The following PAK1 variants were observed in gnomAD, a reference collection of about 807,000 sequenced individuals.
PAK1 encodes p21 (RAC1) activated kinase 1.
A neutral mutation model predicts 67.4 loss-of-function variants in PAK1; 29 were observed. That is an observed-to-expected ratio of 0.43 (90% CI 0.32 to 0.59). The LOEUF (loss-of-function observed/expected upper bound fraction) is 0.59. Among genes scored for constraint, PAK1 ranks in the 20% least tolerant of loss-of-function variants. The pLI, the probability that PAK1 is intolerant of heterozygous loss-of-function variation, is 0.07. For missense variants in PAK1, 337 were observed against 670.7 expected (o/e 0.50, Z 5.50); for synonymous variants, 223 against 237.4 (o/e 0.94, Z 0.56).
chr11:77,348,504 T>C (rs996581325), intron 9 of PAK1, among the ~76,000 whole-genome samples: 3 of 152,164 alleles, frequency 2.0e-5, no homozygotes, highest in African/African-American at 7.2e-5. Context: ...CAGTGGAAAG[T>C]AAAGGTAGCA....
At chr11:77,340,586 T>C in intron 11 of PAK1, 60 bp downstream of exon 11, 1 of 854,252 alleles carries the variant, frequency 1.2e-6, no homozygotes. Flanking sequence ...ACAGGGAACT[T>C]CAGGAGACAG....
At chr11:77,347,514 CTTCT>C (rs1374619326) in intron 9 of PAK1, among the ~76,000 whole-genome samples, 5 of 152,138 alleles carry the variant, frequency 3.3e-5, no homozygotes, top group African/African-American at 4.8e-5. Flanking sequence ...TTGGTATAGC[CTTCT>C]TTATTTTAAT....
chr11:77,527,190 C>T, the PAK1 span, among the ~76,000 whole-genome samples: 1 of 152,000 alleles, frequency 6.6e-6, no homozygotes, highest in African/African-American at 2.4e-5. Context: ...GCAACCTCCG[C>T]CTCCCAGGCT....
chr11:77,466,432 T>C (rs1356592668), intron 1 of PAK1, among the ~76,000 whole-genome samples: 1 of 151,946 alleles, frequency 6.6e-6, no homozygotes, highest in Admixed American at 6.6e-5. Flanking sequence ...TGAAACCCTG[T>C]CTCTACTAAA....
chr11:77,404,750 C>A (rs940580739), intron 1 of PAK1, among the ~76,000 whole-genome samples: 2 of 152,204 alleles, frequency 1.3e-5, no homozygotes, highest in African/African-American at 4.8e-5. Context: ...TTCCTTCACT[C>A]GTTCTCACCT....
At chr11:77,393,286 AGAG>A (rs1291103630) in intron 1 of PAK1, among the ~76,000 whole-genome samples, 141 of 43,118 alleles carry the variant, frequency 3.3e-3, no homozygotes, top group Middle Eastern at 0.01. Context: ...AAAAAAAAAA[AGAG>A]AGAGAGAGAG....
At chr11:77,332,701 T>G (rs777307906) in intron 14 of PAK1, 29 bp downstream of exon 14, 6 of 1,597,684 alleles carry the variant, frequency 3.8e-6, no homozygotes, top group African/African-American at 1.3e-5. Flanking sequence ...TTCCCTGAAT[T>G]AGGTGCTTCC....
intron 2 of PAK1, among the ~76,000 whole-genome samples, chr11:77,384,816 G>T (rs1357110374): frequency 6.6e-6 from 1 of 152,156 alleles, no homozygotes; most frequent in Non-Finnish European, 1.5e-5. Context: ...GGAATTAGTT[G>T]TAATGGTTGT....
chr11:77,397,024 C>A (rs1020678874), intron 1 of PAK1: 8 of 152,312 alleles, frequency 5.3e-5, no homozygotes, highest in African/African-American at 1.9e-4. Flanking sequence ...TGAGTATACA[C>A]ACCTTAATCT....
chr11:77,323,395 T>A, intron 14 of PAK1, 35 bp from the exon 15 acceptor site: 1 of 1,312,290 alleles, frequency 7.6e-7, no homozygotes, highest in Non-Finnish European at 1.1e-6. Context: ...GACACATGAC[T>A]ATTTAACATT....
intron 5 of PAK1, among the ~76,000 whole-genome samples, chr11:77,371,465 T>C (rs781426009): frequency 2.0e-5 from 3 of 152,196 alleles, no homozygotes; most frequent in Non-Finnish European, 4.4e-5. Flanking sequence ...ATAAAGAAGA[T>C]ACTAAGTCAA....
intron 1 of PAK1, among the ~76,000 whole-genome samples, chr11:77,413,170 G>A (rs1178802577): frequency 3.9e-5 from 6 of 152,188 alleles, no homozygotes; most frequent in African/African-American, 1.4e-4. Context: ...TTAGCAGTGG[G>A]AAGGCTTTGA....
chr11:77,409,785 G>C (rs984077492), intron 1 of PAK1, among the ~76,000 whole-genome samples: 4 of 151,946 alleles, frequency 2.6e-5, no homozygotes, highest in Admixed American at 2.6e-4. Flanking sequence ...CCAAAGGCCA[G>C]GAAAGGGAGT....
At chr11:77,485,329 T>C in the PAK1 span, among the ~76,000 whole-genome samples, 4 of 152,184 alleles carry the variant, frequency 2.6e-5, no homozygotes, top group Admixed American at 2.6e-4. Flanking sequence ...AATTGGATTA[T>C]TTGTAACATA....
rs35603502 is a variant in PAK1, at chr11:77,435,657, C to CTTTTTTTTTTTTTTT, written c.-22+37880_-22+37894dup. ...TACAGGCGCCCGCCACTACACCTGG[C>CTTTTTTTTTTTTTTT]TTTTTTTTTTTTTTTTTTTTTTTTG... On this transcript the variant is annotated intron_variant, in intron 1 of 14. Transcript: ENST00000356341. 6.6e-4 allele frequency among the ~76,000 whole-genome samples: 45 copies of CTTTTTTTTTTTTTTT among 68,604 alleles called. 1 individual carries two copies. Among genetic ancestry groups the CTTTTTTTTTTTTTTT allele is most frequent in the African/African-American group, 1.3e-3 (19 of 14,672 alleles). 45.0% of individuals were successfully genotyped at this position (68,604 alleles called of 152,430 possible).
At chr11:77,425,135 A>G (rs1955480539) in intron 1 of PAK1, among the ~76,000 whole-genome samples, 1 of 152,186 alleles carries the variant, frequency 6.6e-6, no homozygotes, top group Non-Finnish European at 1.5e-5. Flanking sequence ...TTTTTAAGTG[A>G]TAATAAATAA....
At chr11:77,354,479 A>G (rs1591867976) in intron 7 of PAK1, among the ~76,000 whole-genome samples, 1 of 152,340 alleles carries the variant, frequency 6.6e-6, no homozygotes, top group Middle Eastern at 3.4e-3. Context: ...CTAAGACACA[A>G]GTCAGTGGCT....
intron 5 of PAK1, among the ~76,000 whole-genome samples, chr11:77,370,470 G>A (rs1288273285): frequency 1.3e-5 from 2 of 152,116 alleles, no homozygotes; most frequent in Non-Finnish European, 1.5e-5. Context: ...CTGTTTCAAA[G>A]GTAGAATTAA....
intron 1 of PAK1, chr11:77,397,068 G>A (rs1465798399): frequency 6.6e-6 from 1 of 152,228 alleles, no homozygotes; most frequent in Non-Finnish European, 1.5e-5. Context: ...AGTTTGGAAG[G>A]ATGAAAAACC....
Sources: gnomAD v4.1 joint callset for allele counts (sites outside exome capture counted in the v4.1 genomes callset) on GRCh38, gnomAD v4.1.1 for gene constraint, MANE v1.5 for transcripts, NCBI Gene and HGNC (gene_info 2026-07-23, HGNC 2026-07-21) for gene names.